The following BLTP2 variants were observed in gnomAD, a reference collection of about 807,000 sequenced individuals.
BLTP2 encodes U937-associated antigen.
the BLTP2 span, chr17:28,644,947 CCCGCCGCCGCCG>C: frequency 1.2e-5 from 19 of 1,520,796 alleles, no homozygotes; most frequent in Middle Eastern, 1.7e-4. Context: ...CCCCCTCCCT[CCCGCCGCCGCCG>C]CCGCCGCCGG....
chr17:28,638,907 T>C, the BLTP2 span, among the ~76,000 whole-genome samples: 2 of 152,164 alleles, frequency 1.3e-5, no homozygotes, highest in Admixed American at 6.5e-5. Flanking sequence ...ACACCAGCAA[T>C]ACTATACGCT....
the BLTP2 span, among the ~76,000 whole-genome samples, chr17:28,629,625 C>A: frequency 1.3e-5 from 2 of 151,946 alleles, no homozygotes; most frequent in African/African-American, 4.8e-5. Flanking sequence ...TTACAGGCAC[C>A]TGCCACCACG....
chr17:28,619,953 C>T, the BLTP2 span: 1 of 1,614,120 alleles, frequency 6.2e-7, no homozygotes, highest in Non-Finnish European at 8.5e-7. Flanking sequence ...TGCTGCGTTG[C>T]TCCTCTGGAT....
the BLTP2 span, chr17:28,642,066 G>A: frequency 2.4e-5 from 39 of 1,613,886 alleles, no homozygotes; most frequent in Non-Finnish European, 3.1e-5. Context: ...AGCTCCACTA[G>A]GCAGGTGTCC....
At chr17:28,616,275 T>C in the BLTP2 span, 7 of 1,601,442 alleles carry the variant, frequency 4.4e-6, no homozygotes, top group Non-Finnish European at 6.0e-6. The surrounding 1 kb of genome is among the most constrained non-coding windows in gnomAD (Gnocchi z 4.8). Context: ...CCCTCTTCTT[T>C]TATCCCTAGA....
chr17:28,636,250 G>A, the BLTP2 span, among the ~76,000 whole-genome samples: 2 of 152,092 alleles, frequency 1.3e-5, no homozygotes, highest in Non-Finnish European at 2.9e-5. Context: ...GTTTCCAAAG[G>A]ACGGTGAAGT....
At chr17:28,615,788 T>G in the BLTP2 span, 1 of 1,614,000 alleles carries the variant, frequency 6.2e-7, no homozygotes, top group Non-Finnish European at 8.5e-7. Flanking sequence ...GTCCACACTG[T>G]TCTTCTCACC....
the BLTP2 span, chr17:28,628,252 T>C: frequency 6.2e-7 from 1 of 1,611,668 alleles, no homozygotes; most frequent in Non-Finnish European, 8.5e-7. Flanking sequence ...AAGTCTCATC[T>C]CCCCGAGCTT....
the BLTP2 span, chr17:28,638,098 G>T: frequency 6.2e-7 from 1 of 1,613,240 alleles, no homozygotes; most frequent in Non-Finnish European, 8.5e-7. Context: ...AGCTACCCTA[G>T]AGAAGAAGCA....
At chr17:28,615,581 G>T in the BLTP2 span, 2 of 1,524,748 alleles carry the variant, frequency 1.3e-6, no homozygotes, top group Admixed American at 1.9e-5. Context: ...ATTTATTCAT[G>T]GATTCTAAAA....
the BLTP2 span, among the ~76,000 whole-genome samples, chr17:28,636,714 T>C: frequency 6.6e-6 from 1 of 152,108 alleles, no homozygotes; most frequent in Non-Finnish European, 1.5e-5. Flanking sequence ...TCAGGTGTCA[T>C]ATTTCTCATG....
chr17:28,631,427 G>T, the BLTP2 span: 1 of 1,492,920 alleles, frequency 6.7e-7, no homozygotes, highest in Non-Finnish European at 9.3e-7. Context: ...CAAGTAGGCT[G>T]AGATACCTAC....
At chr17:28,630,910 C>T in the BLTP2 span, among the ~76,000 whole-genome samples, 1 of 152,012 alleles carries the variant, frequency 6.6e-6, no homozygotes, top group Non-Finnish European at 1.5e-5. Context: ...TAAAGAGTAA[C>T]ATACTATTTT....
At chr17:28,633,456 T>A in the BLTP2 span, 1 of 1,578,874 alleles carries the variant, frequency 6.3e-7, no homozygotes, top group Non-Finnish European at 8.7e-7. Flanking sequence ...CATCCTCATC[T>A]CCCAAATCAG....
At chr17:28,632,245 AAGAG>A in the BLTP2 span, 2 of 1,590,146 alleles carry the variant, frequency 1.3e-6, no homozygotes, top group South Asian at 2.2e-5. Flanking sequence ...TATTGCTGCA[AAGAG>A]AAAGACAGAC....
the BLTP2 span, chr17:28,643,217 C>T: frequency 6.2e-7 from 1 of 1,614,168 alleles, no homozygotes; most frequent in Non-Finnish European, 8.5e-7. Flanking sequence ...TTTTGATCCA[C>T]CCCAGCGCTC....
the BLTP2 span, chr17:28,617,043 C>T: frequency 1.4e-6 from 2 of 1,464,084 alleles, no homozygotes; most frequent in Admixed American, 1.9e-5. Context: ...AATGTCCTTC[C>T]TGCCATAAAG....
chr17:28,620,731 A>AC, the BLTP2 span: 1 of 1,351,302 alleles, frequency 7.4e-7, no homozygotes, highest in Non-Finnish European at 1.0e-6. Flanking sequence ...AGTCAACCCC[A>AC]CAGAAAGGGT....
chr17:28,628,371 C>G, the BLTP2 span: 1 of 1,614,202 alleles, frequency 6.2e-7, no homozygotes, highest in Non-Finnish European at 8.5e-7. Context: ...TGGCTGGCAT[C>G]TGTGGATCAA....
Sources: allele counts gnomAD v4.1 joint callset (sites outside exome capture counted in the v4.1 genomes callset), GRCh38; gene constraint gnomAD v4.1.1; non-coding constraint Gnocchi (gnomAD v3.1); transcripts MANE v1.5; gene names NCBI Gene and HGNC (gene_info 2026-07-23, HGNC 2026-07-21).